Variants in ZBTB16 observed in about 807,000 individuals in gnomAD.
ZBTB16 encodes the protein zinc finger and BTB domain-containing protein 16.
Under a neutral mutation model 56.8 loss-of-function variants are expected in ZBTB16, and 8 were observed. That is an observed-to-expected ratio of 0.14 (90% CI 0.08 to 0.25). The LOEUF is 0.25. Ranked by LOEUF, ZBTB16 falls within the 10% of genes least tolerant of loss-of-function variation. ZBTB16 has a pLI of 1.00. For synonymous variants in ZBTB16, 363 were observed against 368.5 expected, an observed-to-expected ratio of 0.98 and a Z score of 0.17; for missense variants, 625 against 903.0, an observed-to-expected ratio of 0.69 and a Z score of 3.95.
At chr11:114,231,652 A>C (rs1014924059) in intron 4 of ZBTB16, among the ~76,000 whole-genome samples, 9 of 152,198 alleles carry the variant, frequency 5.9e-5, no homozygotes, top group Non-Finnish European at 1.3e-4. Context: ...GCAGGTGCCC[A>C]GTCAATGTTG....
intron 2 of ZBTB16, among the ~76,000 whole-genome samples, chr11:114,152,206 G>A (rs562776202): frequency 1.3e-5 from 2 of 152,294 alleles, no homozygotes; most frequent in East Asian, 1.9e-4. Flanking sequence ...TTTGAACGAG[G>A]CCTCATGAGG....
At chr11:114,102,200 C>T (rs1940632126) in intron 2 of ZBTB16, among the ~76,000 whole-genome samples, 1 of 152,070 alleles carries the variant, frequency 6.6e-6, no homozygotes, top group Non-Finnish European at 1.5e-5. Flanking sequence ...GACTTGTTCT[C>T]AGTAGCTATT....
At chr11:114,147,452 G>A (rs573559471) in intron 2 of ZBTB16, among the ~76,000 whole-genome samples, 15 of 152,310 alleles carry the variant, frequency 9.8e-5, no homozygotes, top group African/African-American at 3.6e-4. Flanking sequence ...ACGGGAGAGG[G>A]AGAACAAAAA....
chr11:114,059,847 A>G lies in ZBTB16; in HGVS notation c.-126A>G, dbSNP rs2137640486. ...CACAGGCACACACCCCCCGACAGGC[A>G]CGCACACCCACCCCACAGTGCCCGG... On this transcript the variant is annotated 5_prime_UTR_variant, in exon 1 of 7. Transcript: ENST00000335953. This position sits in a 1 kb window ranked among gnomAD's most constrained non-coding sequence, Gnocchi z 5.3. The G allele has an allele frequency of 2.5e-6, 1 of 397,128 alleles. No homozygotes were observed. The allele number at this position is 397,128 out of a possible 1,614,324, so 24.6% of individuals were successfully genotyped here. A position where few individuals can be genotyped will look rare whatever the true frequency, so the allele number is the denominator to read the frequency against.
At chr11:114,116,555 G>C (rs930027221) in intron 2 of ZBTB16, among the ~76,000 whole-genome samples, 1 of 152,084 alleles carries the variant, frequency 6.6e-6, no homozygotes, top group South Asian at 2.1e-4. Flanking sequence ...TTAAAGCTAG[G>C]TCCTGTCCAC....
At chr11:114,147,964 T>G (rs187222861) in intron 2 of ZBTB16, among the ~76,000 whole-genome samples, 1 of 152,316 alleles carries the variant, frequency 6.6e-6, no homozygotes, top group African/African-American at 2.4e-5. Flanking sequence ...AAACTTTTGT[T>G]CTTGGTGAAA....
intron 4 of ZBTB16, among the ~76,000 whole-genome samples, chr11:114,222,142 T>A (rs1277210310): frequency 6.6e-6 from 1 of 152,152 alleles, no homozygotes; most frequent in African/African-American, 2.4e-5. Flanking sequence ...CACTGAAAAC[T>A]TCACAGAACT....
In ZBTB16 at chr11:114,255,720, A is replaced by T. The variant is rs1211956092; in HGVS notation, c.*5165A>T. On this transcript the variant is annotated 3_prime_UTR_variant, in exon 7 of 7. Transcript: ENST00000335953. ...ATTTCAGTGTTTCTGACAAGATTTAAAAAAAAAAAAAAAGGAAAAAAAAAG... is the reference window on the plus strand; with the variant it reads ...ATTTCAGTGTTTCTGACAAGATTTATAAAAAAAAAAAAAGGAAAAAAAAAG... Among the ~76,000 whole-genome samples, 3 of 516 alleles carry T rather than the reference A, an allele frequency of 5.8e-3. No individual in the cohort carries two copies. Among genetic ancestry groups the T allele is most frequent in the Non-Finnish European group, 0.11 (2 of 18 alleles). 0.3% of individuals were successfully genotyped at this position (516 alleles called of 152,430 possible). A position where few individuals can be genotyped will look rare whatever the true frequency, so the allele number is the denominator to read the frequency against.
chr11:114,105,547 C>T (rs1046722694), intron 2 of ZBTB16, among the ~76,000 whole-genome samples: 4 of 152,184 alleles, frequency 2.6e-5, no homozygotes, highest in Non-Finnish European at 5.9e-5. Flanking sequence ...ACCCAATTCT[C>T]TTGAGTGACA....
At chr11:114,107,614 G>A (rs35639366) in intron 2 of ZBTB16, among the ~76,000 whole-genome samples, 3 of 152,132 alleles carry the variant, frequency 2.0e-5, no homozygotes, top group Non-Finnish European at 2.9e-5. Flanking sequence ...TGTGAGAAGC[G>A]ACTAAAAGAT....
chr11:114,203,913 T>C (rs1943791922), intron 4 of ZBTB16, among the ~76,000 whole-genome samples: 1 of 152,066 alleles, frequency 6.6e-6, no homozygotes, highest in Non-Finnish European at 1.5e-5. Flanking sequence ...TCTGGTGAAG[T>C]AGTGAGTCCG....
intron 3 of ZBTB16, among the ~76,000 whole-genome samples, chr11:114,173,875 T>G (rs1170894263): frequency 6.6e-6 from 1 of 152,232 alleles, no homozygotes; most frequent in Non-Finnish European, 1.5e-5. Context: ...TGAATGCAAC[T>G]GATTGTCTTT....
At position 114,210,625 on chromosome 11, in the gene ZBTB16, T is replaced by G. The variant is rs60019442; in HGVS notation, c.1453+23587T>G. The G allele has an allele frequency of 3.0e-3, 682 of 226,726 alleles. 5 individuals are homozygous for G. Among genetic ancestry groups the G allele is most frequent in the African/African-American group, 0.014 (648 of 45,088 alleles). 14.0% of individuals were successfully genotyped at this position (226,726 alleles called of 1,614,324 possible). On this transcript the variant is annotated intron_variant, in intron 4 of 6. Transcript: ENST00000335953. ...AAATTATTTACCAAGAGCGTCTGTC[T>G]TCTTCTCCTCACCCCCACTTCCCTG...
chr11:114,149,295 A>G (rs935768375), intron 2 of ZBTB16, among the ~76,000 whole-genome samples: 1 of 152,198 alleles, frequency 6.6e-6, no homozygotes, highest in African/African-American at 2.4e-5. Flanking sequence ...ATGTACACAT[A>G]TATACATGGT....
At chr11:114,158,958 G>C in intron 3 of ZBTB16, among the ~76,000 whole-genome samples, 1 of 152,254 alleles carries the variant, frequency 6.6e-6, no homozygotes, top group East Asian at 1.9e-4. Flanking sequence ...ACTCACTGGA[G>C]GGGACAGCCA....
chr11:114,151,919 C>G (rs12293552), intron 2 of ZBTB16, among the ~76,000 whole-genome samples: 6,312 of 152,248 alleles, frequency 0.041, 423 homozygotes, highest in African/African-American at 0.14. Flanking sequence ...TTGGGTCTCT[C>G]CTTGCTGCCC....
At chr11:114,137,136 A>G (rs989075636) in intron 2 of ZBTB16, among the ~76,000 whole-genome samples, 2 of 152,206 alleles carry the variant, frequency 1.3e-5, no homozygotes, top group African/African-American at 4.8e-5. Flanking sequence ...CAGACATTGC[A>G]TCTGTGTCTT....
At chr11:114,120,158 C>T (rs1301555400) in intron 2 of ZBTB16, among the ~76,000 whole-genome samples, 5 of 152,244 alleles carry the variant, frequency 3.3e-5, no homozygotes, top group African/African-American at 4.8e-5. Context: ...ACTCTACCTT[C>T]GATCACTTGG....
At chr11:114,243,749 A>T (rs929247781) in intron 5 of ZBTB16, among the ~76,000 whole-genome samples, 1 of 152,186 alleles carries the variant, frequency 6.6e-6, no homozygotes, top group African/African-American at 2.4e-5. Context: ...AGATGGCTAG[A>T]TACCTTTCAG....
Sources: allele counts gnomAD v4.1 joint callset (sites outside exome capture counted in the v4.1 genomes callset), GRCh38; gene constraint gnomAD v4.1.1; non-coding constraint Gnocchi (gnomAD v3.1); transcripts MANE v1.5; gene names NCBI Gene and HGNC (gene_info 2026-07-23, HGNC 2026-07-21).